The following RORA variants were observed in gnomAD, a reference collection of about 807,000 sequenced individuals.
The protein encoded by RORA is RAR related orphan receptor A.
In RORA, 7 loss-of-function variants were observed where a neutral mutation model predicts 69.5. The observed-to-expected ratio is 0.10, with a 90% CI of 0.06 to 0.19. The LOEUF (loss-of-function observed/expected upper bound fraction) is 0.19, where lower values mean the gene tolerates loss of function less well. RORA is among the 10% of genes least tolerant of loss of function. RORA has a pLI of 1.00. For synonymous variants in RORA, 261 were observed against 240.8 expected, an observed-to-expected ratio of 1.08 and a Z score of -0.78; for missense variants, 457 against 663.0, an observed-to-expected ratio of 0.69 and a Z score of 3.41.
At chr15:60,826,775 CTCTCTCTCTCTCTCTTT>C (rs2072967473) in intron 1 of RORA, among the ~76,000 whole-genome samples, 1 of 113,818 alleles carries the variant, frequency 8.8e-6, no homozygotes, top group Non-Finnish European at 2.1e-5. Flanking sequence ...CCCTCTCTCT[CTCTCTCTCTCTCTCTTT>C]TTTTTTTAAA....
intron 2 of RORA, among the ~76,000 whole-genome samples, chr15:60,647,200 A>G (rs1448173080): frequency 3.9e-5 from 6 of 152,118 alleles, no homozygotes; most frequent in South Asian, 4.1e-4. Context: ...GACTTTATCT[A>G]TCTTTCCTTT....
At chr15:60,587,595 T>C (rs763216175) in intron 2 of RORA, among the ~76,000 whole-genome samples, 12 of 152,202 alleles carry the variant, frequency 7.9e-5, no homozygotes, top group Non-Finnish European at 1.5e-4. Context: ...TTAAATGATG[T>C]AAGAGTGTTT....
At chr15:60,718,056 C>T (rs904101930) in intron 1 of RORA, among the ~76,000 whole-genome samples, 3 of 152,242 alleles carry the variant, frequency 2.0e-5, no homozygotes, top group Admixed American at 6.5e-5. Flanking sequence ...ACCTTGGCCT[C>T]GCACTGGGAT....
At chr15:60,730,639 T>G (rs1048406836) in intron 1 of RORA, among the ~76,000 whole-genome samples, 1 of 152,236 alleles carries the variant, frequency 6.6e-6, no homozygotes, top group Non-Finnish European at 1.5e-5. Context: ...GATGCATGTA[T>G]GTGTGTGCTC....
At chr15:61,211,372 C>T (rs1192302607) in intron 1 of RORA, among the ~76,000 whole-genome samples, 1 of 151,726 alleles carries the variant, frequency 6.6e-6, no homozygotes, top group African/African-American at 2.4e-5. Context: ...AAAATATAAA[C>T]CCCTTTGAAG....
Position 60,877,478 on chromosome 15 carries a change from T to C in RORA, c.167-198792A>G, listed in dbSNP as rs139052205. On this transcript the variant is annotated intron_variant, in intron 1 of 10. Coordinates refer to ENST00000335670, the MANE Select transcript of RORA (RefSeq NM_134261.3). ...CCTGAGATAGTAAGTTCTCTTAAGA[T>C]AGGGTGTGAGGCTGTTTTGATGTAA... Among the ~76,000 whole-genome samples the C allele has an allele frequency of 2.5e-3, 379 of 152,360 alleles. 3 individuals are homozygous for C. Among genetic ancestry groups the C allele is most frequent in the African/African-American group, 8.6e-3 (359 of 41,580 alleles).
chr15:61,025,260 A>C (rs1044392780), intron 1 of RORA, among the ~76,000 whole-genome samples: 1 of 152,108 alleles, frequency 6.6e-6, no homozygotes. Context: ...AAATCCTAAA[A>C]CACGTCTCTG....
intron 1 of RORA, chr15:60,682,286 AAAGC>A (rs2070654843): frequency 6.6e-6 from 1 of 152,220 alleles, no homozygotes; most frequent in African/African-American, 2.4e-5. Context: ...TGTGATAGTG[AAAGC>A]TATGCCATTG....
At chr15:60,896,342 A>G (rs1891230691) in intron 1 of RORA, among the ~76,000 whole-genome samples, 1 of 152,248 alleles carries the variant, frequency 6.6e-6, no homozygotes, top group South Asian at 2.1e-4. Flanking sequence ...ACACACTTGC[A>G]CAACAGTCCA....
intron 1 of RORA, among the ~76,000 whole-genome samples, chr15:60,681,063 T>C (rs1165037289): frequency 1.3e-5 from 2 of 152,134 alleles, no homozygotes; most frequent in Non-Finnish European, 2.9e-5. Context: ...AAGGCAAATT[T>C]AATGAAAAAA....
At chr15:60,515,950 TATA>T (rs1567050831) in intron 3 of RORA, among the ~76,000 whole-genome samples, 2 of 14,820 alleles carry the variant, frequency 1.3e-4, no homozygotes, top group African/African-American at 4.1e-4. Flanking sequence ...TATATATATT[TATA>T]TATTTATATT....
chr15:60,672,614 A>T (rs2070491338), intron 2 of RORA, among the ~76,000 whole-genome samples: 2 of 152,048 alleles, frequency 1.3e-5, no homozygotes, highest in Admixed American at 6.5e-5. Flanking sequence ...CTCTGTTTTG[A>T]CTCCAGGCTT....
intron 1 of RORA, among the ~76,000 whole-genome samples, chr15:60,842,175 C>G (rs1051540983): frequency 6.6e-6 from 1 of 152,156 alleles, no homozygotes; most frequent in African/African-American, 2.4e-5. Context: ...GGGCCGTCGT[C>G]CACTTTGCTT....
At chr15:61,161,805 C>G (rs1432369924) in intron 1 of RORA, among the ~76,000 whole-genome samples, 1 of 152,060 alleles carries the variant, frequency 6.6e-6, no homozygotes, top group Admixed American at 6.6e-5. Flanking sequence ...TTATCTTCCC[C>G]CCGTGAAGGC....
intron 1 of RORA, among the ~76,000 whole-genome samples, chr15:61,055,520 T>C (rs569176803): frequency 1.3e-5 from 2 of 152,306 alleles, no homozygotes; most frequent in Admixed American, 1.3e-4. Context: ...GCCTTGCAGG[T>C]GTGTCAGGTT....
intron 1 of RORA, among the ~76,000 whole-genome samples, chr15:60,910,773 G>A (rs1409623180): frequency 6.6e-6 from 1 of 152,004 alleles, no homozygotes; most frequent in Non-Finnish European, 1.5e-5. Flanking sequence ...GAGTGATACT[G>A]TAACAACTAA....
At chr15:60,828,126 G>A (rs926893060) in intron 1 of RORA, among the ~76,000 whole-genome samples, 4 of 152,162 alleles carry the variant, frequency 2.6e-5, no homozygotes, top group African/African-American at 4.8e-5. Context: ...GGCAGGAGGC[G>A]GGCAGGGAGC....
chr15:60,686,797 C>G (rs1159217747), intron 1 of RORA: 1 of 152,262 alleles, frequency 6.6e-6, no homozygotes, highest in Non-Finnish European at 1.5e-5. Context: ...AAAGTCGAAG[C>G]TACCAGAACA....
chr15:61,065,263 G>C (rs1349413385), intron 1 of RORA, among the ~76,000 whole-genome samples: 1 of 152,168 alleles, frequency 6.6e-6, no homozygotes, highest in South Asian at 2.1e-4. Flanking sequence ...TTTAGACTAC[G>C]TGCTCCTTGA....
Sources: gnomAD v4.1 joint callset for allele counts (sites outside exome capture counted in the v4.1 genomes callset) on GRCh38, gnomAD v4.1.1 for gene constraint, MANE v1.5 for transcripts, NCBI Gene and HGNC (gene_info 2026-07-23, HGNC 2026-07-21) for gene names.